Variants in CNTN6 observed in about 807,000 individuals in gnomAD.
The protein encoded by CNTN6 is contactin-6.
CNTN6 carries 137 observed loss-of-function variants against 122.8 expected under a neutral mutation model. The ratio of observed to expected loss-of-function variants is 1.12; its 90% CI spans 0.97 to 1.29. CNTN6 has a LOEUF of 1.29. Ranked by LOEUF, CNTN6 falls within the 50% of genes most tolerant of loss-of-function variation. The pLI is 0.00. For synonymous variants in CNTN6, 570 were observed against 426.0 expected, an observed-to-expected ratio of 1.34 and a Z score of -4.16; for missense variants, 1,634 against 1,223.4, an observed-to-expected ratio of 1.34 and a Z score of -5.01.
At chr3:1,213,121 T>C (rs1559524531) in intron 2 of CNTN6, among the ~76,000 whole-genome samples, 1 of 152,302 alleles carries the variant, frequency 6.6e-6, no homozygotes, top group East Asian at 1.9e-4. Flanking sequence ...GCTGTATGTA[T>C]ATATTTTTTG....
intron 17 of CNTN6, among the ~76,000 whole-genome samples, chr3:1,380,830 C>G (rs140495431): frequency 1.3e-5 from 2 of 152,196 alleles, no homozygotes; most frequent in Non-Finnish European, 2.9e-5. Flanking sequence ...TTGGTTCTTA[C>G]AGACACTGTG....
intron 20 of CNTN6, among the ~76,000 whole-genome samples, chr3:1,387,872 AC>A (rs1693310992): frequency 6.6e-6 from 1 of 152,070 alleles, no homozygotes; most frequent in African/African-American, 2.4e-5. Context: ...AAAACGGCGC[AC>A]CACGAGATTA....
chr3:1,155,279 T>TA (rs1238534907), intron 2 of CNTN6, among the ~76,000 whole-genome samples: 4 of 152,202 alleles, frequency 2.6e-5, no homozygotes, highest in Admixed American at 2.0e-4. Context: ...CACTGATGCC[T>TA]AGTACAGTGC....
intron 7 of CNTN6, among the ~76,000 whole-genome samples, chr3:1,312,803 G>T (rs891836588): frequency 6.8e-6 from 1 of 147,944 alleles, no homozygotes; most frequent in African/African-American, 2.6e-5. Flanking sequence ...ACAGACTTTG[G>T]TTCAAATCCT....
intron 11 of CNTN6, among the ~76,000 whole-genome samples, chr3:1,338,749 A>G (rs978939725): frequency 3.3e-5 from 5 of 152,170 alleles, no homozygotes; most frequent in Admixed American, 6.6e-5. Context: ...GAAAAGGTCA[A>G]TTATTCATGT....
In CNTN6 at chr3:1,344,371, T is replaced by A. The variant is rs530831211; in HGVS notation, c.1365-7953T>A. On this transcript the variant is annotated intron_variant, in intron 11 of 22. Coordinates refer to ENST00000446702, the MANE Select transcript of CNTN6 (RefSeq NM_001289080.2). ...CAGACAGGCTGTATAGAGAAACCAC[T>A]TGGGAACAGTCTGTGGAAGGAAAGA... is the stretch of plus-strand genomic sequence containing the variant. Among the ~76,000 whole-genome samples the A allele has an allele frequency of 6.6e-5, 10 of 152,270 alleles. No homozygotes were observed. The South Asian group carries it at 2.1e-3, about 32-fold the overall frequency.
At chr3:1,319,875 A>AAATAAAATAAAATAAAATAC (rs1348736319) in intron 7 of CNTN6, among the ~76,000 whole-genome samples, 1 of 150,788 alleles carries the variant, frequency 6.6e-6, no homozygotes, top group Non-Finnish European at 1.5e-5. Context: ...AAATAAAATA[A>AAATAAAATAAAATAAAATAC]AAGACATTTA....
intron 1 of CNTN6, among the ~76,000 whole-genome samples, chr3:1,111,596 A>T (rs1276727425): frequency 6.6e-6 from 1 of 152,246 alleles, no homozygotes; most frequent in Non-Finnish European, 1.5e-5. Flanking sequence ...CAGTGAACTC[A>T]GAGAAGGATC....
At chr3:1,164,213 C>T (rs922729212) in intron 2 of CNTN6, among the ~76,000 whole-genome samples, 8 of 152,222 alleles carry the variant, frequency 5.3e-5, no homozygotes, top group African/African-American at 1.9e-4. Flanking sequence ...TACTGACCAA[C>T]ATTGACCTTA....
At chr3:1,166,680 A>C (rs2093256588) in intron 2 of CNTN6, among the ~76,000 whole-genome samples, 2 of 152,154 alleles carry the variant, frequency 1.3e-5, no homozygotes, top group Non-Finnish European at 2.9e-5. Flanking sequence ...TGGCACATAT[A>C]CACCACAGAA....
intron 4 of CNTN6, among the ~76,000 whole-genome samples, chr3:1,233,734 C>CAAAAA (rs1166507455): frequency 1.3e-4 from 7 of 52,124 alleles, no homozygotes; most frequent in Admixed American, 4.9e-4. Context: ...GACTCTGTCT[C>CAAAAA]AAAAAAAAAA....
chr3:1,249,484 T>C (rs17036382), intron 4 of CNTN6, among the ~76,000 whole-genome samples: 8,948 of 152,190 alleles, frequency 0.059, 350 homozygotes, highest in East Asian at 0.14. Context: ...TTAACCAAAG[T>C]AATAGGTTTT....
intron 1 of CNTN6, among the ~76,000 whole-genome samples, chr3:1,114,845 A>T (rs1161477768): frequency 2.6e-5 from 4 of 152,204 alleles, no homozygotes; most frequent in Non-Finnish European, 5.9e-5. Flanking sequence ...GTCACACTAA[A>T]GTGCTTTCAA....
At chr3:1,201,454 A>G (rs191898039) in intron 2 of CNTN6, among the ~76,000 whole-genome samples, 3 of 142,644 alleles carry the variant, frequency 2.1e-5, no homozygotes, top group Non-Finnish European at 4.5e-5. Flanking sequence ...CCAAGTTACT[A>G]CATATAACAG....
chr3:1,388,439 AG>A (rs1407492504), intron 20 of CNTN6, among the ~76,000 whole-genome samples: 123 of 151,622 alleles, frequency 8.1e-4, no homozygotes, highest in Middle Eastern at 6.8e-3. Context: ...GACCAAAAGT[AG>A]ATAAAAACCA....
intron 4 of CNTN6, among the ~76,000 whole-genome samples, chr3:1,258,593 G>C (rs2094796353): frequency 6.6e-6 from 1 of 152,084 alleles, no homozygotes; most frequent in Admixed American, 6.6e-5. Context: ...GGGTGAAGCA[G>C]CTTAGTCTTT....
At chr3:1,308,555 T>C (rs552490249) in intron 7 of CNTN6, among the ~76,000 whole-genome samples, 50 of 152,024 alleles carry the variant, frequency 3.3e-4, no homozygotes, top group African/African-American at 1.2e-3. Flanking sequence ...CTATACTAAT[T>C]ATTATGTACA....
intron 20 of CNTN6, among the ~76,000 whole-genome samples, chr3:1,393,752 C>T (rs1694591277): frequency 6.6e-6 from 1 of 151,920 alleles, no homozygotes; most frequent in Non-Finnish European, 1.5e-5. Flanking sequence ...TCCCATCAAC[C>T]AGTTTAAGGT....
chr3:1,096,428 G>A (rs2090531521), intron 1 of CNTN6, among the ~76,000 whole-genome samples: 1 of 151,960 alleles, frequency 6.6e-6, no homozygotes, highest in African/African-American at 2.4e-5. Flanking sequence ...GCCAAATTGT[G>A]GTTATCTTGC....
Sources: gnomAD v4.1 joint callset for allele counts (sites outside exome capture counted in the v4.1 genomes callset) on GRCh38, gnomAD v4.1.1 for gene constraint, MANE v1.5 for transcripts, NCBI Gene and HGNC (gene_info 2026-07-23, HGNC 2026-07-21) for gene names.